Variants in NXPE2 observed in about 807,000 individuals in gnomAD.
NXPE2 encodes the protein neurexophilin and PC-esterase domain family member 2.
Under a neutral mutation model 34.4 loss-of-function variants are expected in NXPE2, and 34 were observed. The ratio of observed to expected loss-of-function variants is 0.99; its 90% CI spans 0.75 to 1.31. The LOEUF is 1.31. NXPE2 is among the 40% of genes most tolerant of loss of function. The pLI is 0.00. For synonymous variants in NXPE2, 235 were observed against 231.3 expected (o/e 1.02, Z -0.15); for missense variants, 649 against 672.5 (o/e 0.97, Z 0.39).
the NXPE2 span, among the ~76,000 whole-genome samples, chr11:114,794,705 TC>T: frequency 6.6e-6 from 1 of 152,208 alleles, no homozygotes; most frequent in African/African-American, 2.4e-5. Flanking sequence ...CTCCAAATGT[TC>T]CTATCATAGA....
the NXPE2 span, among the ~76,000 whole-genome samples, chr11:114,639,904 T>C: frequency 1.3e-4 from 15 of 115,310 alleles, no homozygotes; most frequent in Non-Finnish European, 2.1e-4. Context: ...TTATATTAAA[T>C]ATAAAATATA....
the NXPE2 span, among the ~76,000 whole-genome samples, chr11:114,747,204 G>C: frequency 1.3e-5 from 2 of 152,196 alleles, no homozygotes; most frequent in East Asian, 3.9e-4. Context: ...TTTAAAAAGG[G>C]GTTTTTAAAT....
At chr11:114,512,199 T>C in the NXPE2 span, among the ~76,000 whole-genome samples, 1 of 152,086 alleles carries the variant, frequency 6.6e-6, no homozygotes, top group Non-Finnish European at 1.5e-5. Flanking sequence ...AAAAGAAAAA[T>C]GTTTCGAATG....
At chr11:114,663,622 TATCTATCTATCTATC>T in the NXPE2 span, among the ~76,000 whole-genome samples, 1 of 96,998 alleles carries the variant, frequency 1.0e-5, no homozygotes. Context: ...TCTATCTATC[TATCTATCTATCTATC>T]ATCTATCCAT....
At chr11:114,678,718 C>A (rs1169227472) in intron 1 of NXPE2, 117 bp downstream of exon 1, 3 of 726,786 alleles carry the variant, frequency 4.1e-6, no homozygotes, top group Non-Finnish European at 6.9e-6. Context: ...ATAGTAAAAT[C>A]GTTTTATTTG....
chr11:114,651,213 G>C, the NXPE2 span, among the ~76,000 whole-genome samples: 1 of 152,096 alleles, frequency 6.6e-6, no homozygotes, highest in Non-Finnish European at 1.5e-5. Flanking sequence ...AGTTCTTAAA[G>C]ATGGTGTGTC....
chr11:114,626,154 C>T, the NXPE2 span, among the ~76,000 whole-genome samples: 9 of 152,146 alleles, frequency 5.9e-5, no homozygotes, highest in East Asian at 1.9e-4. Context: ...CCGGGAAGCT[C>T]GAACTGGGTG....
At chr11:114,689,999 C>T (rs112102202) in intron 2 of NXPE2, among the ~76,000 whole-genome samples, 7 of 152,154 alleles carry the variant, frequency 4.6e-5, no homozygotes, top group African/African-American at 1.7e-4. Flanking sequence ...AGATGAATCT[C>T]CTGAAGACAG....
chr11:114,539,856 T>C, the NXPE2 span, among the ~76,000 whole-genome samples: 4 of 152,220 alleles, frequency 2.6e-5, no homozygotes, highest in East Asian at 7.7e-4. Flanking sequence ...ATCAGAAAAT[T>C]ATATTTCGTA....
At chr11:114,794,599 C>T in the NXPE2 span, among the ~76,000 whole-genome samples, 1 of 152,138 alleles carries the variant, frequency 6.6e-6, no homozygotes, top group Admixed American at 6.5e-5. Context: ...TCAGATGAAA[C>T]ATAGAAGTTT....
the NXPE2 span, among the ~76,000 whole-genome samples, chr11:114,775,278 C>A: frequency 6.6e-6 from 1 of 152,130 alleles, no homozygotes; most frequent in Non-Finnish European, 1.5e-5. Context: ...CCAGGGTTTG[C>A]CTCCCTCTGC....
At chr11:114,687,583 C>T (rs1401577459) in intron 2 of NXPE2, among the ~76,000 whole-genome samples, 1 of 151,874 alleles carries the variant, frequency 6.6e-6, no homozygotes, top group Non-Finnish European at 1.5e-5. Flanking sequence ...CTTAGGATTG[C>T]CTTGACTATT....
At chr11:114,631,676 T>C in the NXPE2 span, among the ~76,000 whole-genome samples, 1 of 151,918 alleles carries the variant, frequency 6.6e-6, no homozygotes, top group Non-Finnish European at 1.5e-5. Context: ...AGTATATATA[T>C]AAAAAAAGTA....
At chr11:114,613,627 C>T in the NXPE2 span, among the ~76,000 whole-genome samples, 2 of 152,002 alleles carry the variant, frequency 1.3e-5, no homozygotes, top group Middle Eastern at 3.4e-3. Context: ...CACTGTTACA[C>T]ACTGGATAAC....
chr11:114,539,539 C>T, the NXPE2 span, among the ~76,000 whole-genome samples: 1 of 152,090 alleles, frequency 6.6e-6, no homozygotes, highest in Non-Finnish European at 1.5e-5. Flanking sequence ...AAAGATGTAG[C>T]ACTTTGAAAT....
Position 114,702,242 on chromosome 11 carries a change from T to G in NXPE2, c.867-1749T>G, listed in dbSNP as rs146734713. Among the ~76,000 whole-genome samples the G allele has an allele frequency of 7.7e-4, 118 of 152,302 alleles. 1 individual carries two copies. Among genetic ancestry groups the G allele is most frequent in the African/African-American group, 2.7e-3 (113 of 41,558 alleles). ...TTAATTATAGACCCCTTTTTAAAAT[T>G]TAATGCACATACACAATTACAAAAA... On this transcript the variant is annotated intron_variant, in intron 3 of 5. Coordinates refer to ENST00000389586, the MANE Select transcript of NXPE2 (RefSeq NM_182495.6).
the NXPE2 span, among the ~76,000 whole-genome samples, chr11:114,727,965 G>C: frequency 2.0e-5 from 3 of 151,952 alleles, no homozygotes; most frequent in African/African-American, 4.8e-5. Context: ...TAGTCCATAA[G>C]GATAAAGTCA....
At chr11:114,499,328 A>C in the NXPE2 span, among the ~76,000 whole-genome samples, 1 of 152,098 alleles carries the variant, frequency 6.6e-6, no homozygotes, top group South Asian at 2.1e-4. Context: ...TCTTGGATGT[A>C]TTTATCAAAT....
At chr11:114,787,445 G>T in the NXPE2 span, among the ~76,000 whole-genome samples, 1 of 152,154 alleles carries the variant, frequency 6.6e-6, no homozygotes, top group Non-Finnish European at 1.5e-5. Context: ...AGCTGATAAT[G>T]CCAGCAAAGT....
Sources: gnomAD v4.1 joint callset for allele counts (sites outside exome capture counted in the v4.1 genomes callset) on GRCh38, gnomAD v4.1.1 for gene constraint, MANE v1.5 for transcripts, NCBI Gene and HGNC (gene_info 2026-07-23, HGNC 2026-07-21) for gene names.